Variants in GSE1 observed in about 807,000 individuals in gnomAD.
The protein encoded by GSE1 is Gse1 coiled-coil protein.
In GSE1, 32 loss-of-function variants were observed where a neutral mutation model predicts 112.6. That is an observed-to-expected ratio of 0.28 (90% CI 0.21 to 0.38). The LOEUF is 0.38. Among genes scored for constraint, GSE1 ranks in the 10% least tolerant of loss-of-function variants. The pLI, the probability that GSE1 is intolerant of heterozygous loss-of-function variation, is 1.00. For missense variants in GSE1, 2,348 were observed against 1,699.2 expected, an observed-to-expected ratio of 1.38 and a Z score of -6.71; for synonymous variants, 1,115 against 735.6, an observed-to-expected ratio of 1.52 and a Z score of -8.35.
chr16:85,649,138 TCTC>T (rs796106348), intron 3 of GSE1, among the ~76,000 whole-genome samples: 2 of 152,198 alleles, frequency 1.3e-5, no homozygotes, highest in African/African-American at 2.4e-5. Flanking sequence ...TGGGTCCTGA[TCTC>T]CTCTTCTCAT....
intron 2 of GSE1, among the ~76,000 whole-genome samples, chr16:85,511,775 TGGAACTCCA>T (rs974059938): frequency 3.7e-4 from 57 of 152,238 alleles, no homozygotes; most frequent in African/African-American, 1.4e-3. Context: ...AAGGAACACC[TGGAACTCCA>T]GGAGCTGGAA....
intron 1 of GSE1, among the ~76,000 whole-genome samples, chr16:85,579,480 G>A (rs147695264): frequency 1.8e-4 from 28 of 152,294 alleles, no homozygotes; most frequent in Admixed American, 1.6e-3. Context: ...TGGCCCTGGC[G>A]CTGGGCAGCC....
intron 2 of GSE1, among the ~76,000 whole-genome samples, chr16:85,545,213 G>A (rs575879018): frequency 6.6e-6 from 1 of 152,204 alleles, no homozygotes; most frequent in Non-Finnish European, 1.5e-5. Flanking sequence ...CAACACAGTC[G>A]CTGTCTGATT....
At chr16:85,297,965 A>G (rs901603212) in intron 1 of GSE1, among the ~76,000 whole-genome samples, 1 of 152,218 alleles carries the variant, frequency 6.6e-6, no homozygotes, top group Admixed American at 6.5e-5. Context: ...AGTGGGAAAC[A>G]GGCCAGTTAT....
intron 1 of GSE1, among the ~76,000 whole-genome samples, chr16:85,249,170 A>T (rs1225171651): frequency 1.3e-5 from 2 of 152,234 alleles, no homozygotes; most frequent in African/African-American, 2.4e-5. Flanking sequence ...CATGAGAGTT[A>T]TTTAAGCAGC....
intron 1 of GSE1, among the ~76,000 whole-genome samples, chr16:85,630,830 C>T (rs902957631): frequency 4.6e-5 from 7 of 152,276 alleles, no homozygotes; most frequent in Admixed American, 1.3e-4. Flanking sequence ...CTCCTGGTCT[C>T]GGTTTCCCCA....
intron 1 of GSE1, among the ~76,000 whole-genome samples, chr16:85,213,932 C>A (rs1354860805): frequency 1.3e-5 from 2 of 152,188 alleles, no homozygotes; most frequent in South Asian, 2.1e-4. Context: ...CAGTCCTCCC[C>A]GCAGAGATTT....
chr16:85,317,385 C>T (rs927815810), intron 1 of GSE1, among the ~76,000 whole-genome samples: 4 of 152,176 alleles, frequency 2.6e-5, no homozygotes, highest in African/African-American at 7.2e-5. Flanking sequence ...TTCCTACCTC[C>T]AGCTCCAGCG....
chr16:85,185,949 A>G (rs2074691100), intron 1 of GSE1, among the ~76,000 whole-genome samples: 2 of 152,216 alleles, frequency 1.3e-5, no homozygotes, highest in Admixed American at 6.5e-5. Context: ...AGGCCTGAGC[A>G]GGGTGATGGG....
intron 2 of GSE1, among the ~76,000 whole-genome samples, chr16:85,481,864 A>C (rs1308820627): frequency 6.6e-6 from 1 of 152,222 alleles, no homozygotes; most frequent in Non-Finnish European, 1.5e-5. Context: ...AAAAGGTCAC[A>C]CGGCGCAGAG....
intron 1 of GSE1, among the ~76,000 whole-genome samples, chr16:85,266,607 A>T (rs772382673): frequency 3.9e-5 from 6 of 151,976 alleles, no homozygotes; most frequent in Non-Finnish European, 8.8e-5. Flanking sequence ...TGCAGAGCTG[A>T]GCTGTGGGCC....
At chr16:85,237,841 C>CAA (rs143803090) in intron 1 of GSE1, among the ~76,000 whole-genome samples, 5 of 140,618 alleles carry the variant, frequency 3.6e-5, no homozygotes, top group East Asian at 4.1e-4. Flanking sequence ...CTGTCCCCCG[C>CAA]AAAAAAAAAG....
chr16:85,569,779 G>C (rs544259608), intron 1 of GSE1, among the ~76,000 whole-genome samples: 4 of 152,354 alleles, frequency 2.6e-5, no homozygotes, highest in African/African-American at 9.6e-5. Context: ...GCGTGCGTTG[G>C]GGAAAGCCTC....
intron 1 of GSE1, among the ~76,000 whole-genome samples, chr16:85,189,249 T>C (rs1597755335): frequency 1.3e-5 from 2 of 152,262 alleles, no homozygotes; most frequent in East Asian, 3.8e-4. Flanking sequence ...TTTTTGACAT[T>C]TGATAATAAC....
chr16:85,576,290 G>C (rs1222168847), intron 1 of GSE1, among the ~76,000 whole-genome samples: 1 of 152,218 alleles, frequency 6.6e-6, no homozygotes, highest in East Asian at 1.9e-4. Context: ...CATTTAAAGG[G>C]ACATGGTCTC....
chr16:85,633,176 C>T lies in GSE1; in HGVS notation c.8-738C>T, dbSNP rs542361627. ...TTAGCATCTCCGGGCAGACTCTGTG[C>T]CCAGTAAGGGGCCACAGTGGGGTCT... On this transcript the variant is annotated intron_variant, in intron 1 of 15. Transcript: ENST00000253458. Among the ~76,000 whole-genome samples the T allele has an allele frequency of 3.9e-5, 6 of 152,340 alleles. No individual in the cohort carries two copies. In the East Asian group the frequency reaches 7.7e-4, roughly 20 times the overall value.
intron 2 of GSE1, among the ~76,000 whole-genome samples, chr16:85,429,179 G>T (rs1459206699): frequency 1.3e-5 from 2 of 152,200 alleles, no homozygotes; most frequent in Non-Finnish European, 2.9e-5. Flanking sequence ...ACAGCCCAGG[G>T]CATGCACGCC....
intron 1 of GSE1, among the ~76,000 whole-genome samples, chr16:85,221,333 C>T (rs1436263850): frequency 6.7e-6 from 1 of 148,170 alleles, no homozygotes; most frequent in Non-Finnish European, 1.5e-5. Flanking sequence ...CACACACACA[C>T]ACCCCAAGTA....
At chr16:85,205,192 T>C (rs1269191469) in intron 1 of GSE1, among the ~76,000 whole-genome samples, 4 of 152,164 alleles carry the variant, frequency 2.6e-5, no homozygotes, top group African/African-American at 9.7e-5. Context: ...TACAGTGGCA[T>C]GATCTCGGCT....
Sources: allele counts gnomAD v4.1 joint callset (sites outside exome capture counted in the v4.1 genomes callset), GRCh38; gene constraint gnomAD v4.1.1; transcripts MANE v1.5; gene names NCBI Gene and HGNC (gene_info 2026-07-23, HGNC 2026-07-21).